Variants in MTBP observed in about 807,000 individuals in gnomAD.
The protein encoded by MTBP is MDM2 binding protein, also known as mdm2-binding protein.
In MTBP, 101 loss-of-function variants were observed where a neutral mutation model predicts 117.0. The observed-to-expected ratio is 0.86, with a 90% CI of 0.73 to 1.02. The LOEUF (loss-of-function observed/expected upper bound fraction) is 1.02. MTBP is among the 50% of genes least tolerant of loss of function. The pLI is 0.00. For synonymous variants in MTBP, 350 were observed against 351.5 expected (o/e 1.00, Z 0.05); for missense variants, 970 against 1,030.9 (o/e 0.94, Z 0.81).
rs771555968 is a variant in MTBP at position 120,459,267 on chromosome 8, A to G, written c.800A>G (p.Lys267Arg). 6.2e-7 allele frequency: 1 copy of G among 1,611,182 alleles called. No homozygotes were observed. Among genetic ancestry groups the G allele is most frequent in the Non-Finnish European group, 8.5e-7 (1 of 1,178,278 alleles). The change falls in exon 8 of 22, where the codon AAG (lysine) becomes AGG (arginine). Residue 267 changes from lysine (K) to arginine (R), a missense_variant. Coordinates refer to ENST00000305949, the MANE Select transcript of MTBP (RefSeq NM_022045.5). ...PEFCLKGVTL[K>R]NFSTSNLNTD... is the part of the protein sequence containing the mutation. ...TTTTGTTTAAAGGGAGTCACACTTA[A>G]GAATTTTAGTACTTCTAATTTAAAT...
intron 11 of MTBP, among the ~76,000 whole-genome samples, chr8:120,484,506 T>C (rs550985419): frequency 6.6e-6 from 1 of 152,186 alleles, no homozygotes; most frequent in South Asian, 2.1e-4. Flanking sequence ...TATGTGTGTA[T>C]ATATTACATT....
chr8:120,485,206 G>A lies in MTBP; in HGVS notation c.1166-2953G>A, dbSNP rs1814185674. Reference sequence around the variant, plus strand: ...CTTCGTCTTTTTTTCAGTGTCTTAAGGTAGAAGGTTAGCTTATTGATTGAG... The same window carrying A: ...CTTCGTCTTTTTTTCAGTGTCTTAAAGTAGAAGGTTAGCTTATTGATTGAG... On this transcript the variant is annotated intron_variant, in intron 11 of 21. Coordinates refer to ENST00000305949, the MANE Select transcript of MTBP (RefSeq NM_022045.5). 3.3e-5 allele frequency among the ~76,000 whole-genome samples: 5 copies of A among 152,156 alleles called. No homozygotes were observed. In the South Asian group the frequency reaches 1.0e-3, roughly 32 times the overall value.
In MTBP at chr8:120,468,796, A is replaced by C. The variant is rs935596546; in HGVS notation, c.1048-2024A>C. Among the ~76,000 whole-genome samples, 7 of 152,244 alleles carry C rather than the reference A, an allele frequency of 4.6e-5. No homozygotes were observed. The South Asian group carries it at 1.5e-3, about 32-fold the overall frequency. On this transcript the variant is annotated intron_variant, in intron 10 of 21. Coordinates refer to ENST00000305949, the MANE Select transcript of MTBP (RefSeq NM_022045.5). Reference sequence around the variant, plus strand: ...AAAAGCTGTCATGGATCAGAATGGCAGCAGACCAGGAAACAGTGACCATGA... The same window carrying C: ...AAAAGCTGTCATGGATCAGAATGGCCGCAGACCAGGAAACAGTGACCATGA...
At position 120,506,345 on chromosome 8, in the gene MTBP, A is replaced by G. The variant is rs538555187; in HGVS notation, c.1728-361A>G. Among the ~76,000 whole-genome samples, 5 of 152,240 alleles carry G rather than the reference A, an allele frequency of 3.3e-5. No homozygotes were observed. In the South Asian group the frequency reaches 1.0e-3, roughly 32 times the overall value. On this transcript the variant is annotated intron_variant, in intron 15 of 21. Coordinates refer to ENST00000305949, the MANE Select transcript of MTBP (RefSeq NM_022045.5). ...GTATTGTGGGGTTTCAGAACATACA[A>G]GAGAATTTAGATTTAAGTTTTATAG...
At chr8:120,502,646 C>G (rs2130602484) in intron 15 of MTBP, 37 bp downstream of exon 15, 1 of 1,226,200 alleles carries the variant, frequency 8.2e-7, no homozygotes, top group East Asian at 2.4e-5. Flanking sequence ...TGTGATAGCT[C>G]AGTAATTTGA....
chr8:120,495,378 ATT>A (rs1300263302), intron 13 of MTBP, among the ~76,000 whole-genome samples: 1 of 152,010 alleles, frequency 6.6e-6, no homozygotes, highest in Non-Finnish European at 1.5e-5. Context: ...CTCCAGAATC[ATT>A]GTCTCTAGAA....
intron 18 of MTBP, among the ~76,000 whole-genome samples, chr8:120,517,287 G>A (rs1220859817): frequency 6.6e-6 from 1 of 152,002 alleles, no homozygotes; most frequent in Non-Finnish European, 1.5e-5. Context: ...GATACAGGTT[G>A]TGGTGTTTCT....
chr8:120,502,582 CTT>C lies in MTBP; in HGVS notation c.1703_1704del (p.Phe568Ter), dbSNP rs965820021. On this transcript the variant is annotated frameshift_variant, in exon 15 of 22. Transcript: ENST00000305949. LOFTEE classifies it high-confidence loss of function. ...AGGCATGTTCTTCAAAATTTGGAAA[CTT>C]TTGAAAAAACTAAACAAAAAATGAG... 18 of 1,601,156 alleles carry C rather than the reference CTT, an allele frequency of 1.1e-5. No individual in the cohort carries two copies. The highest frequency in any genetic ancestry group is 1.5e-5 in the Non-Finnish European group (18 of 1,174,190).
chr8:120,449,390 G>T (rs1176916561), intron 2 of MTBP, among the ~76,000 whole-genome samples: 1 of 152,152 alleles, frequency 6.6e-6, no homozygotes, highest in Admixed American at 6.5e-5. Flanking sequence ...AAGTAAAAAT[G>T]TAAAAATGTT....
chr8:120,454,138 A>G (rs757666576), intron 5 of MTBP, among the ~76,000 whole-genome samples: 9 of 152,118 alleles, frequency 5.9e-5, no homozygotes, highest in Admixed American at 4.6e-4. Context: ...AACTTTGGAC[A>G]TTAAATAACT....
chr8:120,482,387 A>G (rs1279739774), intron 11 of MTBP, among the ~76,000 whole-genome samples: 1 of 152,204 alleles, frequency 6.6e-6, no homozygotes. Flanking sequence ...CACACTTTCT[A>G]AATTCTGCAG....
intron 11 of MTBP, among the ~76,000 whole-genome samples, chr8:120,485,864 A>G (rs981073897): frequency 6.6e-6 from 1 of 152,196 alleles, no homozygotes; most frequent in Non-Finnish European, 1.5e-5. Flanking sequence ...CACTCTTCAG[A>G]GGGTGCGGCC....
intron 18 of MTBP, among the ~76,000 whole-genome samples, chr8:120,517,289 G>A (rs1814935908): frequency 6.6e-6 from 1 of 151,822 alleles, no homozygotes; most frequent in African/African-American, 2.4e-5. Flanking sequence ...TACAGGTTGT[G>A]GTGTTTCTGT....
chr8:120,501,217 C>A (rs1235443684), intron 14 of MTBP, among the ~76,000 whole-genome samples: 1 of 118,792 alleles, frequency 8.4e-6, no homozygotes, highest in Non-Finnish European at 1.8e-5. Flanking sequence ...AAAAAATTAG[C>A]CGGGCGTGGT....
chr8:120,458,474 G>C (rs190270630), intron 7 of MTBP, among the ~76,000 whole-genome samples: 3 of 152,154 alleles, frequency 2.0e-5, no homozygotes, highest in Admixed American at 2.0e-4. Flanking sequence ...TACTACTTCT[G>C]CAGCAATTGA....
At chr8:120,505,346 CT>C (rs1814667700) in intron 15 of MTBP, among the ~76,000 whole-genome samples, 1 of 152,112 alleles carries the variant, frequency 6.6e-6, no homozygotes, top group Admixed American at 6.6e-5. Context: ...ATTACAGGGG[CT>C]TTATTCTGGG....
At chr8:120,477,595 T>C (rs1027685511) in intron 11 of MTBP, among the ~76,000 whole-genome samples, 52 of 152,100 alleles carry the variant, frequency 3.4e-4, no homozygotes, top group African/African-American at 1.2e-3. Flanking sequence ...GGGCTAAGGA[T>C]ATGAACAGAC....
At chr8:120,482,671 A>G (rs565282127) in intron 11 of MTBP, among the ~76,000 whole-genome samples, 14 of 151,890 alleles carry the variant, frequency 9.2e-5, no homozygotes, top group African/African-American at 2.9e-4. Flanking sequence ...TTATACACCT[A>G]TTCAACAGTA....
intron 9 of MTBP, 67 bp from the exon 10 acceptor site, chr8:120,463,625 A>G: frequency 8.0e-7 from 1 of 1,251,948 alleles, no homozygotes; most frequent in Admixed American, 2.2e-5. Flanking sequence ...GAAATAATGA[A>G]ACTTATTTTA....
Sources: allele counts gnomAD v4.1 joint callset (sites outside exome capture counted in the v4.1 genomes callset), GRCh38; gene constraint gnomAD v4.1.1; transcripts MANE v1.5; gene names NCBI Gene and HGNC (gene_info 2026-07-23, HGNC 2026-07-21).